The following STAT5A variants were observed in gnomAD, a reference collection of about 807,000 sequenced individuals.
STAT5A encodes signal transducer and activator of transcription 5A, also known as epididymis secretory sperm binding protein.
A neutral mutation model predicts 100.2 loss-of-function variants in STAT5A; 26 were observed. The observed-to-expected ratio is 0.26, with a 90% CI of 0.19 to 0.36. STAT5A has a LOEUF of 0.36. STAT5A is among the 10% of genes least tolerant of loss of function. STAT5A has a pLI of 1.00. For missense variants in STAT5A, 634 were observed against 1,027.5 expected (o/e 0.62, Z 5.24); for synonymous variants, 330 against 424.3 (o/e 0.78, Z 2.73).
chr17:42,305,636 C>T lies in STAT5A; in HGVS notation c.1407C>T (p.Ile469=). ...CTCTGTCCCTACCTGTGGTTGTCAT[C>T]GTCCACGGCAGCCAGGACCACAATG... is the stretch of plus-strand genomic sequence containing the variant. ...VKTLSLPVVV[I]VHGSQDHNAT... is the part of the protein sequence containing the mutation. Residue 469 remains isoleucine (I), a synonymous_variant, in exon 12 of 19, where the codon ATC becomes ATT. Coordinates refer to ENST00000590949, the MANE Select transcript of STAT5A (RefSeq NM_001288718.2). The T allele has an allele frequency of 2.5e-6, 4 of 1,614,226 alleles. No homozygotes were observed. The highest frequency in any genetic ancestry group is 2.5e-6 in the Non-Finnish European group (3 of 1,180,028).
intron 18 of STAT5A, among the ~76,000 whole-genome samples, chr17:42,310,034 A>G (rs997917024): frequency 1.3e-5 from 2 of 152,172 alleles, no homozygotes; most frequent in African/African-American, 4.8e-5. Context: ...GCTTCCTGAT[A>G]TGGCCTTGGT....
chr17:42,307,769 T>C (rs1333011304), intron 15 of STAT5A, 46 bp downstream of exon 15: 2 of 1,595,042 alleles, frequency 1.3e-6, no homozygotes, highest in East Asian at 2.2e-5. Flanking sequence ...GCCCGGTCTC[T>C]TGTTCCCTTG....
At chr17:42,290,772 A>G (rs1318382403) in intron 3 of STAT5A, among the ~76,000 whole-genome samples, 2 of 152,166 alleles carry the variant, frequency 1.3e-5, no homozygotes, top group African/African-American at 4.8e-5. Flanking sequence ...GGACGAGTAC[A>G]TAATGTCTGA....
At chr17:42,309,658 G>A (rs1169576390) in intron 18 of STAT5A, 174 bp downstream of exon 18, 2 of 619,956 alleles carry the variant, frequency 3.2e-6, no homozygotes, top group Non-Finnish European at 2.8e-6. Context: ...GCAGGGTCAA[G>A]TCCTCACTCT....
At chr17:42,310,178 G>A (rs1412887377) in intron 18 of STAT5A, among the ~76,000 whole-genome samples, 1 of 152,288 alleles carries the variant, frequency 6.6e-6, no homozygotes. Context: ...CAGTGAACGG[G>A]GCGGTGCCTA....
chr17:42,308,449 C>T lies in STAT5A; in HGVS notation c.2062+116C>T. 1.4e-6 allele frequency: 2 copies of T among 1,469,372 alleles called. No homozygotes were observed. The highest frequency in any genetic ancestry group is 1.9e-6 in the Non-Finnish European group (2 of 1,078,718). 91.0% of individuals were successfully genotyped at this position (1,469,372 alleles called of 1,614,324 possible). A position where few individuals can be genotyped will look rare whatever the true frequency, so the allele number is the denominator to read the frequency against. On this transcript the variant is annotated intron_variant, in intron 16 of 18. Transcript: ENST00000590949. This position sits in a 1 kb window ranked among gnomAD's most constrained non-coding sequence, Gnocchi z 4.6. ...CCCAGGAGGAGCCTAGGGGCCATGTCCCCTGTGGGTTTTGGCCCATGGGGT... is the reference window on the plus strand; with the variant it reads ...CCCAGGAGGAGCCTAGGGGCCATGTTCCCTGTGGGTTTTGGCCCATGGGGT...
At position 42,304,751 on chromosome 17, in the gene STAT5A, G is replaced by T; in HGVS notation, c.1380+99G>T. On this transcript the variant is annotated intron_variant, in intron 11 of 18. Coordinates refer to ENST00000590949, the MANE Select transcript of STAT5A (RefSeq NM_001288718.2). This position sits in a 1 kb window ranked among gnomAD's most constrained non-coding sequence, Gnocchi z 4.8. ...TGGCAGCAATGCCATCGGACAGCCT[G>T]CTTTGACTCTGTGGGTCCCTGTTTG... 2 of 1,555,386 alleles carry T rather than the reference G, an allele frequency of 1.3e-6. No individual in the cohort carries two copies. The highest frequency in any genetic ancestry group is 1.7e-6 in the Non-Finnish European group (2 of 1,146,772).
chr17:42,308,159 G>A lies in STAT5A; in HGVS notation c.1907-19G>A, dbSNP rs1567694640. 1 of 1,612,056 alleles carries A rather than the reference G, an allele frequency of 6.2e-7. No individual in the cohort carries two copies. The highest frequency in any genetic ancestry group is 2.2e-5 in the East Asian group (1 of 44,826). ...CCTGCTGCTGGTGGATTATGGGAAT[G>A]AGGCTGTTCTTTTCACAGCGGAACG... On this transcript the variant is annotated intron_variant, in intron 15 of 18. Coordinates refer to ENST00000590949, the MANE Select transcript of STAT5A (RefSeq NM_001288718.2). The surrounding 1 kb of genome is among the most constrained non-coding windows in gnomAD (Gnocchi z 4.6).
intron 18 of STAT5A, 53 bp downstream of exon 18, chr17:42,309,537 A>C (rs776748726): frequency 2.7e-5 from 43 of 1,579,150 alleles, no homozygotes; most frequent in Non-Finnish European, 3.3e-5. Context: ...ACTTGGCCCC[A>C]GGCTGGACTC....
chr17:42,300,390 A>G (rs2080965272), intron 7 of STAT5A, 109 bp downstream of exon 7: 1 of 1,315,862 alleles, frequency 7.6e-7, no homozygotes, highest in South Asian at 1.5e-5. Context: ...ATCCTGGGAC[A>G]GCTCTTGTTT....
intron 9 of STAT5A, among the ~76,000 whole-genome samples, chr17:42,302,951 TA>T (rs34899765): frequency 0.028 from 3,256 of 115,842 alleles, 98 homozygotes; most frequent in African/African-American, 0.088. Context: ...AGACTCTGTT[TA>T]AAAAAAAAAA....
chr17:42,297,711 G>A (rs1019033534), intron 5 of STAT5A, among the ~76,000 whole-genome samples: 12 of 152,146 alleles, frequency 7.9e-5, no homozygotes, highest in East Asian at 5.8e-4. Context: ...CAGGATACCC[G>A]AGGTAGCCGT....
intron 4 of STAT5A, 101 bp downstream of exon 4, chr17:42,292,162 A>C: frequency 7.1e-7 from 1 of 1,405,178 alleles, no homozygotes; most frequent in Non-Finnish European, 9.9e-7. Flanking sequence ...GCACGAGGAG[A>C]GCACCAAGAA....
rs1320305218 is a variant in STAT5A, at chr17:42,308,467, C to T, written c.2062+134C>T. The T allele has an allele frequency of 3.1e-6, 4 of 1,280,670 alleles. No individual in the cohort carries two copies. In the African/African-American group the frequency reaches 4.5e-5, roughly 14 times the overall value. 79.3% of individuals were successfully genotyped at this position (1,280,670 alleles called of 1,614,324 possible). ...GCCATGTCCCCTGTGGGTTTTGGCC[C>T]ATGGGGTGGTGGAGAGGATTTCAGG... On this transcript the variant is annotated intron_variant, in intron 16 of 18. Transcript: ENST00000590949. This position sits in a 1 kb window ranked among gnomAD's most constrained non-coding sequence, Gnocchi z 4.6.
At chr17:42,309,644 C>T (rs1337172581) in intron 18 of STAT5A, 160 bp downstream of exon 18, 3 of 684,674 alleles carry the variant, frequency 4.4e-6, no homozygotes, top group Middle Eastern at 3.3e-4. Context: ...TGAAGCTAGA[C>T]ATAGCAGGGT....
chr17:42,288,076 G>C (rs1411760902), upstream of STAT5A: 4 of 152,160 alleles, frequency 2.6e-5, 1 homozygote, highest in East Asian at 3.9e-4. This position sits in a 1 kb window ranked among gnomAD's most constrained non-coding sequence, Gnocchi z 4.8. Flanking sequence ...GATGACACGC[G>C]CCAGAGCTGG....
chr17:42,301,154 G>A lies in STAT5A; in HGVS notation c.990-121G>A, dbSNP rs1343514150. The A allele has an allele frequency of 9.7e-5, 143 of 1,475,176 alleles. 3 individuals are homozygous for A. Among genetic ancestry groups the A allele is most frequent in the African/African-American group, 5.6e-5 (4 of 71,748 alleles). The allele number at this position is 1,475,176 out of a possible 1,614,324, so 91.4% of individuals were successfully genotyped here. On this transcript the variant is annotated intron_variant, in intron 8 of 18. Coordinates refer to ENST00000590949, the MANE Select transcript of STAT5A (RefSeq NM_001288718.2). ...CAGCTTCCCCGGGAACAGAGGTTGT[G>A]CCCGAGCTCATCACCTCCTGAGCCC...
In STAT5A at chr17:42,288,922, C is replaced by T. The variant is rs1411968785; in HGVS notation, c.-11+324C>T. Among the ~76,000 whole-genome samples the T allele has an allele frequency of 1.3e-5, 2 of 152,248 alleles. No individual in the cohort carries two copies. The highest frequency in any genetic ancestry group is 4.8e-5 in the African/African-American group (2 of 41,472). ...GCGCCCAAGTCCTCAGCCCTGTCTC[C>T]TGAACAGCCCCAGCCACGTGCCCGA... On this transcript the variant is annotated intron_variant, in intron 1 of 18. Transcript: ENST00000590949. This position sits in a 1 kb window ranked among gnomAD's most constrained non-coding sequence, Gnocchi z 4.8.
intron 5 of STAT5A, 79 bp downstream of exon 5, chr17:42,295,872 G>T (rs2080914107): frequency 1.9e-6 from 3 of 1,560,102 alleles, no homozygotes; most frequent in African/African-American, 2.7e-5. Flanking sequence ...GGTAGAGCTG[G>T]GTCAGTGTCC....
Sources: allele counts gnomAD v4.1 joint callset (sites outside exome capture counted in the v4.1 genomes callset), GRCh38; gene constraint gnomAD v4.1.1; non-coding constraint Gnocchi (gnomAD v3.1); transcripts MANE v1.5; gene names NCBI Gene and HGNC (gene_info 2026-07-23, HGNC 2026-07-21).